EP300: variants seen among roughly 807,000 people sequenced by gnomAD.
EP300 encodes histone acetyltransferase p300.
A neutral mutation model predicts 264.0 loss-of-function variants in EP300; 31 were observed. That is an observed-to-expected ratio of 0.12 (90% CI 0.09 to 0.16). The LOEUF (loss-of-function observed/expected upper bound fraction) is 0.16. Ranked by LOEUF, EP300 falls within the 10% of genes least tolerant of loss-of-function variation. The pLI is 1.00. For synonymous variants in EP300, 1,340 were observed against 1,045.4 expected (o/e 1.28, Z -5.44); for missense variants, 2,766 against 3,052.9 (o/e 0.91, Z 2.21).
intron 1 of EP300, among the ~76,000 whole-genome samples, chr22:41,107,422 T>TA (rs35343837): frequency 0.071 from 10,446 of 147,434 alleles, 497 homozygotes; most frequent in Non-Finnish European, 0.1. Flanking sequence ...GCCTTTTAAG[T>TA]AAAAAAAAAA....
At chr22:41,127,392 C>T (rs898818069) in intron 3 of EP300, 95 bp from the exon 4 acceptor site, 4 of 1,536,676 alleles carry the variant, frequency 2.6e-6, no homozygotes, top group Middle Eastern at 1.8e-4. Flanking sequence ...AGTAGACTAA[C>T]CATAAAGGTT....
chr22:41,155,162 C>G, intron 17 of EP300, 49 bp downstream of exon 17: 1 of 1,260,736 alleles, frequency 7.9e-7, no homozygotes, highest in South Asian at 1.2e-5. Context: ...TTGATAACAG[C>G]TTTATTGAGA....
Position 41,127,477 on chromosome 22 carries a change from T to A in EP300, c.907-10T>A. ...ACTCCTACCATTAAATATATTGTTATATCTCTCAGGGTCAACAGCCAGCCC... is the reference window on the plus strand; with the variant it reads ...ACTCCTACCATTAAATATATTGTTAAATCTCTCAGGGTCAACAGCCAGCCC... On this transcript the variant is annotated splice_polypyrimidine_tract_variant and intron_variant, in intron 3 of 30. Transcript: ENST00000263253. 1 of 1,613,998 alleles carries A rather than the reference T, an allele frequency of 6.2e-7. No individual in the cohort carries two copies. Among genetic ancestry groups the A allele is most frequent in the Non-Finnish European group, 8.5e-7 (1 of 1,179,972 alleles).
chr22:41,171,396 G>C (rs961115717), intron 27 of EP300, among the ~76,000 whole-genome samples: 1 of 152,156 alleles, frequency 6.6e-6, no homozygotes, highest in Non-Finnish European at 1.5e-5. Context: ...GGGTGCAGTG[G>C]CATGATACCC....
chr22:41,119,676 T>C (rs1345014748), intron 2 of EP300, among the ~76,000 whole-genome samples: 7 of 152,148 alleles, frequency 4.6e-5, no homozygotes, highest in Admixed American at 3.9e-4. Context: ...GGGACTATTA[T>C]GGTTATAATC....
rs2145763605 is a variant in EP300, at chr22:41,168,794, G to A, written c.4099G>A (p.Asp1367Asn). The change falls in exon 25 of 31, where the codon GAT becomes AAT. Residue 1367 changes from aspartate to asparagine, a missense_variant. Asp to Asn is a conservative substitution (Grantham distance 23, BLOSUM62 1). Coordinates refer to ENST00000263253, the MANE Select transcript of EP300 (RefSeq NM_001429.4). The stretch of plus-strand genomic sequence containing the variant: ...AGCCCTCTTTGCCTTTGAAGAAATT[G>A]ATGGTGTTGACCTGTGCTTCTTTGG... ...TKALFAFEEI[D>N]GVDLCFFGMH... The A allele has an allele frequency of 6.2e-7, 1 of 1,614,166 alleles. No individual in the cohort carries two copies. The highest frequency in any genetic ancestry group is 8.5e-7 in the Non-Finnish European group (1 of 1,180,038).
intron 20 of EP300, among the ~76,000 whole-genome samples, chr22:41,162,459 A>T (rs2059113309): frequency 2.0e-5 from 3 of 152,182 alleles, no homozygotes; most frequent in Admixed American, 6.5e-5. Context: ...ACAAGATTTT[A>T]AAAGGAAAAG....
At chr22:41,166,313 C>G (rs576154289) in intron 22 of EP300, among the ~76,000 whole-genome samples, 2 of 152,302 alleles carry the variant, frequency 1.3e-5, no homozygotes, top group African/African-American at 2.4e-5. Flanking sequence ...ATTTTTCTCC[C>G]CTATCACATT....
intron 1 of EP300, among the ~76,000 whole-genome samples, chr22:41,106,733 G>A (rs140492852): frequency 6.6e-6 from 1 of 151,028 alleles, no homozygotes; most frequent in Non-Finnish European, 1.5e-5. Flanking sequence ...TCCCACCTCA[G>A]CCTGTAGCTG....
chr22:41,148,912 C>G lies in EP300; in HGVS notation c.2242-126C>G, dbSNP rs1465679313. Reference sequence around the variant, plus strand: ...CCTTCTCCTCTTCAGCCCTCTTCACCTATACTCCTGTCTTTGGCTTTTCTC... The same window carrying G: ...CCTTCTCCTCTTCAGCCCTCTTCACGTATACTCCTGTCTTTGGCTTTTCTC... On this transcript the variant is annotated intron_variant, in intron 12 of 30. Coordinates refer to ENST00000263253, the MANE Select transcript of EP300 (RefSeq NM_001429.4). The G allele has an allele frequency of 1.2e-5, 16 of 1,285,416 alleles. 1 individual carries two copies. The highest frequency in any genetic ancestry group is 6.3e-5 in the South Asian group (5 of 78,992). 79.6% of individuals were successfully genotyped at this position (1,285,416 alleles called of 1,614,324 possible).
chr22:41,171,531 G>T (rs136393), intron 27 of EP300, among the ~76,000 whole-genome samples: 122,138 of 152,038 alleles, frequency 0.8, 50,040 homozygotes, highest in East Asian at 1. Flanking sequence ...GAGACAGGAT[G>T]TCACCATGTT....
intron 10 of EP300, among the ~76,000 whole-genome samples, chr22:41,143,116 A>G (rs897563079): frequency 6.6e-6 from 1 of 152,174 alleles, no homozygotes; most frequent in Admixed American, 6.5e-5. Flanking sequence ...ATTTTGTAGA[A>G]TGAGATTCTT....
chr22:41,096,612 CTTTTTTTTTTTT>C (rs749353769), intron 1 of EP300, among the ~76,000 whole-genome samples: 2 of 104,476 alleles, frequency 1.9e-5, no homozygotes, highest in African/African-American at 7.9e-5. Context: ...GTCAGCTCTA[CTTTTTTTTTTTT>C]TTTTTTTTTT....
chr22:41,175,657 G>A (rs1392182582), intron 29 of EP300, among the ~76,000 whole-genome samples: 2 of 152,190 alleles, frequency 1.3e-5, no homozygotes, highest in Admixed American at 1.3e-4. Flanking sequence ...TCCATATTTG[G>A]ATTTGTCTGG....
chr22:41,099,209 G>A (rs2058718040), intron 1 of EP300, among the ~76,000 whole-genome samples: 1 of 152,066 alleles, frequency 6.6e-6, no homozygotes, highest in Admixed American at 6.6e-5. Flanking sequence ...GACTACAGCT[G>A]CGCAGCACCA....
rs2145763672 is a variant in EP300, at chr22:41,168,804, A to G, written c.4109A>G (p.Asp1370Gly). ...LFAFEEIDGV[D>G]LCFFGMHVQE... is the part of the protein sequence containing the mutation. ...GCCTTTGAAGAAATTGATGGTGTTGACCTGTGCTTCTTTGGCATGCATGTT... is the reference window on the plus strand; with the variant it reads ...GCCTTTGAAGAAATTGATGGTGTTGGCCTGTGCTTCTTTGGCATGCATGTT... Residue 1370 changes from aspartate (D) to glycine (G), a missense_variant, in exon 25 of 31, where the codon GAC (aspartate) becomes GGC (glycine). Coordinates refer to ENST00000263253, the MANE Select transcript of EP300 (RefSeq NM_001429.4). The G allele has an allele frequency of 6.2e-7, 1 of 1,614,146 alleles. No homozygotes were observed. The highest frequency in any genetic ancestry group is 8.5e-7 in the Non-Finnish European group (1 of 1,180,036).
chr22:41,135,808 C>A lies in EP300; in HGVS notation c.1529-5C>A. The A allele has an allele frequency of 6.2e-7, 1 of 1,605,088 alleles. No homozygotes were observed. Among genetic ancestry groups the A allele is most frequent in the Non-Finnish European group, 8.5e-7 (1 of 1,171,808 alleles). Reference sequence around the variant, plus strand: ...TCTGTCTCCTGTTATTTCATTTTGACTTAGGTGCTAGTCCTATGGGAGTAA... The same window carrying A: ...TCTGTCTCCTGTTATTTCATTTTGAATTAGGTGCTAGTCCTATGGGAGTAA... On this transcript the variant is annotated splice_polypyrimidine_tract_variant and splice_region_variant and intron_variant, in intron 6 of 30. Coordinates refer to ENST00000263253, the MANE Select transcript of EP300 (RefSeq NM_001429.4).
intron 2 of EP300, among the ~76,000 whole-genome samples, chr22:41,121,163 T>G (rs1029986471): frequency 6.6e-6 from 1 of 152,098 alleles, no homozygotes; most frequent in Non-Finnish European, 1.5e-5. Context: ...TTTTTTCTTT[T>G]TTTTCAAAAA....
chr22:41,149,357 GTTAA>G (rs1247656258), intron 13 of EP300, among the ~76,000 whole-genome samples, 182 bp downstream of exon 13: 16 of 152,178 alleles, frequency 1.1e-4, no homozygotes, highest in Non-Finnish European at 2.4e-4. Flanking sequence ...TAGCAATGGT[GTTAA>G]TTGTTACAAA....
Sources: allele counts gnomAD v4.1 joint callset (sites outside exome capture counted in the v4.1 genomes callset), GRCh38; gene constraint gnomAD v4.1.1; transcripts MANE v1.5; gene names NCBI Gene and HGNC (gene_info 2026-07-23, HGNC 2026-07-21).